GPR107: variants seen among roughly 807,000 people sequenced by gnomAD.
GPR107 encodes the protein protein GPR107.
In GPR107, 31 loss-of-function variants were observed where a neutral mutation model predicts 75.5. The observed-to-expected ratio is 0.41, with a 90% confidence interval of 0.31 to 0.55. The LOEUF is 0.55. Among genes scored for constraint, GPR107 ranks in the 20% least tolerant of loss-of-function variants. The pLI is 0.26. For missense variants in GPR107, 572 were observed against 665.7 expected, an observed-to-expected ratio of 0.86 and a Z score of 1.55; for synonymous variants, 267 against 251.3, an observed-to-expected ratio of 1.06 and a Z score of -0.59.
At chr9:130,068,667 TA>T (rs561877757) in intron 1 of GPR107, among the ~76,000 whole-genome samples, 102 of 152,138 alleles carry the variant, frequency 6.7e-4, no homozygotes, top group African/African-American at 2.5e-3. Context: ...TTAGTTAAAA[TA>T]GCAGAACTGT....
intron 15 of GPR107, among the ~76,000 whole-genome samples, chr9:130,126,078 G>GT (rs1351493384): frequency 6.6e-6 from 1 of 151,194 alleles, no homozygotes; most frequent in South Asian, 2.1e-4. Context: ...AAAAATTGGA[G>GT]TATCTACCTC....
chr9:130,110,504 C>T, intron 14 of GPR107: 1 of 763,694 alleles, frequency 1.3e-6, no homozygotes, highest in Non-Finnish European at 2.3e-6. Flanking sequence ...GCAAATATCA[C>T]AAATACTCTG....
At chr9:130,074,961 T>G (rs1830307309) in intron 1 of GPR107, among the ~76,000 whole-genome samples, 1 of 151,148 alleles carries the variant, frequency 6.6e-6, no homozygotes, top group Non-Finnish European at 1.5e-5. Context: ...AGGAAGGATG[T>G]GGGGATGACG....
intron 14 of GPR107, among the ~76,000 whole-genome samples, chr9:130,124,431 G>A (rs552042172): frequency 1.3e-5 from 2 of 152,324 alleles, no homozygotes; most frequent in South Asian, 2.1e-4. Context: ...AGTGAAATTT[G>A]CAAAATGCAT....
chr9:130,061,669 C>T (rs1829929751), intron 1 of GPR107, among the ~76,000 whole-genome samples: 1 of 152,168 alleles, frequency 6.6e-6, no homozygotes, highest in Non-Finnish European at 1.5e-5. Flanking sequence ...GCAGGCCGGG[C>T]GTGGTGGCTC....
intron 15 of GPR107, among the ~76,000 whole-genome samples, chr9:130,125,432 A>G (rs1173134783): frequency 2.8e-5 from 4 of 141,676 alleles, no homozygotes; most frequent in African/African-American, 7.9e-5. Flanking sequence ...GGGTCTCTCT[A>G]TGCTACCTTA....
chr9:130,135,281 ACT>A lies in GPR107; in HGVS notation c.*165_*166del, dbSNP rs1304573529. 4 of 524,382 alleles carry A rather than the reference ACT, an allele frequency of 7.6e-6. No individual in the cohort carries two copies. Among genetic ancestry groups the A allele is most frequent in the Admixed American group, 3.6e-5 (1 of 27,512 alleles). The allele number at this position is 524,382 out of a possible 1,614,324, so 32.5% of individuals were successfully genotyped here. A position where few individuals can be genotyped will look rare whatever the true frequency, so the allele number is the denominator to read the frequency against. On this transcript the variant is annotated 3_prime_UTR_variant, in exon 18 of 18. Transcript: ENST00000347136. ...CAGTGCCGCGGAAACCTGATTTTGT[ACT>A]CTCTTTTATGGAAACGATCTGTGGC...
intron 15 of GPR107, among the ~76,000 whole-genome samples, chr9:130,125,953 G>C (rs1831666687): frequency 1.3e-5 from 2 of 151,546 alleles, no homozygotes; most frequent in Admixed American, 6.6e-5. Flanking sequence ...TACTTGGCAG[G>C]CTGAGGCAGG....
At chr9:130,067,827 C>A (rs1285643574) in intron 1 of GPR107, among the ~76,000 whole-genome samples, 1 of 142,830 alleles carries the variant, frequency 7.0e-6, no homozygotes, top group African/African-American at 2.6e-5. Context: ...TCACTGCAAC[C>A]TTTGCCTCCC....
rs60616601 is a variant in GPR107, at chr9:130,114,029, CTTTTTT to C, written c.1306+6505_1306+6510del. Among the ~76,000 whole-genome samples, 22 of 90,672 alleles carry C rather than the reference CTTTTTT, an allele frequency of 2.4e-4. No homozygotes were observed. In the South Asian group the frequency reaches 3.0e-3, roughly 12 times the overall value. The allele number at this position is 90,672 out of a possible 152,430, so 59.5% of individuals were successfully genotyped here. A position where few individuals can be genotyped will look rare whatever the true frequency, so the allele number is the denominator to read the frequency against. On this transcript the variant is annotated intron_variant, in intron 14 of 17. Transcript: ENST00000347136. Reference sequence around the variant, plus strand: ...CAAAAATAATTCTGGTCTTCTCATTCTTTTTTTTTTTTTTTTTTTTCATTTTTTTTT... The same window carrying C: ...CAAAAATAATTCTGGTCTTCTCATTCTTTTTTTTTTTTTTCATTTTTTTTT...
intron 7 of GPR107, among the ~76,000 whole-genome samples, chr9:130,090,100 G>T (rs1332736253): frequency 6.6e-6 from 1 of 152,080 alleles, no homozygotes; most frequent in Non-Finnish European, 1.5e-5. Context: ...GCTTTTCTTT[G>T]TAGTTTAATA....
intron 5 of GPR107, among the ~76,000 whole-genome samples, chr9:130,082,193 C>G (rs1352826281): frequency 4.6e-5 from 7 of 152,208 alleles, no homozygotes; most frequent in African/African-American, 1.7e-4. Flanking sequence ...CACACTAGCC[C>G]TCACATCCAA....
At chr9:130,066,213 C>T (rs988951861) in intron 1 of GPR107, among the ~76,000 whole-genome samples, 6 of 151,998 alleles carry the variant, frequency 3.9e-5, no homozygotes, top group African/African-American at 1.2e-4. Flanking sequence ...GCAGGAGAAT[C>T]GCTTGAACCC....
Position 130,076,239 on chromosome 9 carries a change from AATT to A in GPR107, c.256-172_256-170del, listed in dbSNP as rs1325565488. On this transcript the variant is annotated intron_variant, in intron 2 of 17. Transcript: ENST00000347136. Reference sequence around the variant, plus strand: ...AACACTTAAAATGTAATTCTGTAATAATTCTAGTAATTAGTGACTTTGCTTGAG... The same window carrying A: ...AACACTTAAAATGTAATTCTGTAATACTAGTAATTAGTGACTTTGCTTGAG... Among the ~76,000 whole-genome samples, 3 of 152,184 alleles carry A rather than the reference AATT, an allele frequency of 2.0e-5. No homozygotes were observed. The East Asian group carries it at 5.8e-4, about 29-fold the overall frequency.
rs1830166620 is a variant in GPR107, at chr9:130,070,013, A to ATTTTTT, written c.142-5623_142-5622insTTTTTT. On this transcript the variant is annotated intron_variant, in intron 1 of 17. Transcript: ENST00000347136. ...TTTTTTTTTTTTTTTTTTTTTTTTA[A>ATTTTTT]ATTTTTTTGAGACAGGGTCTTGCTC... Among the ~76,000 whole-genome samples the ATTTTTT allele has an allele frequency of 6.8e-4, 11 of 16,280 alleles. 1 individual carries two copies. The highest frequency in any genetic ancestry group is 2.4e-3 in the African/African-American group (9 of 3,718). 10.7% of individuals were successfully genotyped at this position (16,280 alleles called of 152,430 possible).
chr9:130,134,300 G>A (rs1200451603), intron 17 of GPR107, among the ~76,000 whole-genome samples: 8 of 152,170 alleles, frequency 5.3e-5, no homozygotes, highest in Admixed American at 5.2e-4. Context: ...CCTTCTAATG[G>A]AAAGGGCTGC....
chr9:130,123,660 T>G (rs972439894), intron 14 of GPR107, among the ~76,000 whole-genome samples: 10 of 145,940 alleles, frequency 6.9e-5, no homozygotes, highest in African/African-American at 2.5e-4. Flanking sequence ...AATTTTTTAA[T>G]TTTTTTTTTT....
chr9:130,128,635 T>C lies in GPR107; in HGVS notation c.1441-5T>C. 2 of 1,611,058 alleles carry C rather than the reference T, an allele frequency of 1.2e-6. No homozygotes were observed. The highest frequency in any genetic ancestry group is 1.7e-6 in the Non-Finnish European group (2 of 1,177,470). The stretch of plus-strand genomic sequence containing the variant: ...TTTATTTTGGGGTGGTTTTTAAACT[T>C]GCAGCTCCTGGATGAAACGGCCACA... On this transcript the variant is annotated splice_polypyrimidine_tract_variant and splice_region_variant and intron_variant, in intron 16 of 17. Coordinates refer to ENST00000347136, the MANE Select transcript of GPR107 (RefSeq NM_020960.5).
At chr9:130,062,627 TGCC>T (rs1829955640) in intron 1 of GPR107, among the ~76,000 whole-genome samples, 2 of 62,236 alleles carry the variant, frequency 3.2e-5, no homozygotes, top group African/African-American at 6.0e-5. Context: ...CCTGCCTTCC[TGCC>T]TTCCTGCCTG....
Sources: allele counts gnomAD v4.1 joint callset (sites outside exome capture counted in the v4.1 genomes callset), GRCh38; gene constraint gnomAD v4.1.1; transcripts MANE v1.5; gene names NCBI Gene and HGNC (gene_info 2026-07-23, HGNC 2026-07-21).